Variants in PTPRD observed in about 807,000 individuals in gnomAD.
PTPRD encodes protein tyrosine phosphatase receptor type D.
In PTPRD, 34 loss-of-function variants were observed where a neutral mutation model predicts 214.5. That is an observed-to-expected ratio of 0.16 (90% CI 0.12 to 0.21). PTPRD has a LOEUF of 0.21. Among genes scored for constraint, PTPRD ranks in the 10% least tolerant of loss-of-function variants. The pLI is 1.00. For missense variants in PTPRD, 2,545 were observed against 2,398.7 expected (o/e 1.06, Z -1.27); for synonymous variants, 1,128 against 845.7 (o/e 1.33, Z -5.79).
At chr9:8,940,474 A>ATTTTTTG (rs1467461986) in intron 11 of PTPRD, among the ~76,000 whole-genome samples, 2 of 125,418 alleles carry the variant, frequency 1.6e-5, no homozygotes, top group South Asian at 3.0e-4. Flanking sequence ...GGTATTTTTA[A>ATTTTTTG]TAGAGACAGG....
chr9:10,450,182 T>C (rs778553898), intron 2 of PTPRD, among the ~76,000 whole-genome samples: 4 of 151,604 alleles, frequency 2.6e-5, no homozygotes, highest in Non-Finnish European at 5.9e-5. Context: ...CCCTCCACTA[T>C]TGTCCTATGA....
rs2042596141 is a variant in PTPRD at position 9,332,243 on chromosome 9, A to G, written c.-203+65206T>C. 3.3e-5 allele frequency among the ~76,000 whole-genome samples: 5 copies of G among 152,124 alleles called. No homozygotes were observed. The South Asian group carries it at 8.3e-4, about 25-fold the overall frequency. On this transcript the variant is annotated intron_variant, in intron 9 of 45. Transcript: ENST00000381196. ...GTGAAAGCCAATTTAGCAGGTGGAG[A>G]GAGAGAGAGTCAGAAAATAATCATT...
At chr9:8,324,101 AT>A (rs200231613) in intron 44 of PTPRD, among the ~76,000 whole-genome samples, 4,091 of 145,040 alleles carry the variant, frequency 0.028, 75 homozygotes, top group African/African-American at 0.062. Context: ...GATGATTAGC[AT>A]TTTTTTTTTT....
intron 11 of PTPRD, among the ~76,000 whole-genome samples, chr9:8,918,283 A>T (rs2098800955): frequency 6.6e-6 from 1 of 152,220 alleles, no homozygotes; most frequent in African/African-American, 2.4e-5. Context: ...GAGAAAGCAG[A>T]TCCTCTCTTG....
intron 8 of PTPRD, among the ~76,000 whole-genome samples, chr9:9,439,322 T>C (rs1341018209): frequency 6.6e-6 from 1 of 152,168 alleles, no homozygotes; most frequent in Non-Finnish European, 1.5e-5. Context: ...TAACATACTC[T>C]GATGAAGATA....
intron 14 of PTPRD, among the ~76,000 whole-genome samples, chr9:8,564,653 T>C (rs1019515629): frequency 1.4e-4 from 22 of 152,126 alleles, no homozygotes; most frequent in African/African-American, 5.3e-4. Flanking sequence ...TGAGCCAAGA[T>C]CGTGCCACTG....
At chr9:10,108,676 T>C (rs2098660076) in intron 3 of PTPRD, among the ~76,000 whole-genome samples, 1 of 152,110 alleles carries the variant, frequency 6.6e-6, no homozygotes, top group African/African-American at 2.4e-5. Context: ...TCATATTTAC[T>C]GCAGCATTAT....
intron 13 of PTPRD, among the ~76,000 whole-genome samples, chr9:8,633,966 T>C (rs1210305675): frequency 6.6e-6 from 1 of 151,992 alleles, no homozygotes. Flanking sequence ...ATTGCATAAA[T>C]CTAGTACTTA....
At chr9:9,492,034 A>T (rs1262660987) in intron 8 of PTPRD, among the ~76,000 whole-genome samples, 1 of 151,960 alleles carries the variant, frequency 6.6e-6, no homozygotes, top group Admixed American at 6.6e-5. Context: ...TACATAAATT[A>T]CTAAAATGAG....
At chr9:10,601,943 T>C (rs530618384) in intron 2 of PTPRD, among the ~76,000 whole-genome samples, 3 of 151,928 alleles carry the variant, frequency 2.0e-5, no homozygotes, top group East Asian at 3.9e-4. Flanking sequence ...AGCTGTCTCA[T>C]AGGGGAAAAG....
chr9:10,035,224 G>A (rs144403906), intron 3 of PTPRD, among the ~76,000 whole-genome samples: 1 of 152,038 alleles, frequency 6.6e-6, no homozygotes, highest in African/African-American at 2.4e-5. Context: ...TTTTCAATAT[G>A]GTTGTTGGCC....
intron 11 of PTPRD, among the ~76,000 whole-genome samples, chr9:8,917,615 A>C (rs2098796409): frequency 6.6e-6 from 1 of 151,942 alleles, no homozygotes; most frequent in Non-Finnish European, 1.5e-5. Flanking sequence ...CTATTTTCTC[A>C]GCCAATCTGG....
chr9:8,687,760 C>A (rs1258430549), intron 12 of PTPRD, among the ~76,000 whole-genome samples: 1 of 149,296 alleles, frequency 6.7e-6, no homozygotes. Context: ...TTTTTCTCAA[C>A]TAGTCTCCTT....
At chr9:10,549,536 G>C (rs1038106962) in intron 2 of PTPRD, among the ~76,000 whole-genome samples, 3 of 152,130 alleles carry the variant, frequency 2.0e-5, no homozygotes, top group African/African-American at 7.2e-5. Flanking sequence ...CTTGGAGTAT[G>C]TACGTAGCAA....
chr9:10,184,127 T>C (rs963191625), intron 3 of PTPRD, among the ~76,000 whole-genome samples: 1 of 152,248 alleles, frequency 6.6e-6, no homozygotes, highest in Admixed American at 6.5e-5. Flanking sequence ...CTGGTTTCAA[T>C]AAAAAAGAAA....
intron 2 of PTPRD, among the ~76,000 whole-genome samples, chr9:10,590,796 A>G (rs1370823597): frequency 6.6e-6 from 1 of 151,932 alleles, no homozygotes; most frequent in African/African-American, 2.4e-5. Context: ...ATGTAAAACA[A>G]AAACCCATTC....
chr9:8,436,646 G>T lies in PTPRD; in HGVS notation c.4032C>A (p.Asp1344Glu), dbSNP rs778457288. 1 of 1,613,530 alleles carries T rather than the reference G, an allele frequency of 6.2e-7. No individual in the cohort carries two copies. Among genetic ancestry groups the T allele is most frequent in the South Asian group, 1.1e-5 (1 of 91,062 alleles). ...CATTTGCTTTCAATCTTTCAATGTG[G>T]TCTGCAAGTTCCAAGATGGGTATTG... ...HPPIPILELADHIERLKANDN... is the reference protein window; with the variant it reads ...HPPIPILELAEHIERLKANDN... Residue 1344 changes from aspartate (D) to glutamate (E), a missense_variant, in exon 35 of 46, where the codon GAC becomes GAA. Asp to Glu is a conservative substitution (Grantham distance 45, BLOSUM62 2). Transcript: ENST00000381196.
intron 9 of PTPRD, among the ~76,000 whole-genome samples, chr9:9,319,000 A>G (rs1964971414): frequency 6.6e-6 from 1 of 152,232 alleles, no homozygotes; most frequent in Non-Finnish European, 1.5e-5. Context: ...TCATTATAAG[A>G]AACACAAGTT....
chr9:10,111,459 C>T (rs2098691507), intron 3 of PTPRD, among the ~76,000 whole-genome samples: 1 of 151,342 alleles, frequency 6.6e-6, no homozygotes, highest in South Asian at 2.1e-4. Context: ...GGGATGGTCT[C>T]GATCTCCTGA....
Sources: gnomAD v4.1 joint callset for allele counts (sites outside exome capture counted in the v4.1 genomes callset) on GRCh38, gnomAD v4.1.1 for gene constraint, MANE v1.5 for transcripts, NCBI Gene and HGNC (gene_info 2026-07-23, HGNC 2026-07-21) for gene names.